Variants in RBFOX3 observed in about 807,000 individuals in gnomAD.
RBFOX3 encodes RNA binding fox-1 homolog 3.
Under a neutral mutation model 48.7 loss-of-function variants are expected in RBFOX3, and 17 were observed. The ratio of observed to expected loss-of-function variants is 0.35; its 90% CI spans 0.24 to 0.52. RBFOX3 has a LOEUF of 0.52. Among genes scored for constraint, RBFOX3 ranks in the 20% least tolerant of loss-of-function variants. The pLI is 0.94. For missense variants in RBFOX3, 382 were observed against 497.5 expected, an observed-to-expected ratio of 0.77 and a Z score of 2.21; for synonymous variants, 212 against 209.5, an observed-to-expected ratio of 1.01 and a Z score of -0.10.
At chr17:79,172,359 T>C (rs899599582) in intron 4 of RBFOX3, among the ~76,000 whole-genome samples, 13 of 152,192 alleles carry the variant, frequency 8.5e-5, no homozygotes, top group Non-Finnish European at 1.9e-4. Flanking sequence ...TTGCCACAGG[T>C]AGGTGAAACC....
chr17:79,624,082 G>T, the RBFOX3 span, among the ~76,000 whole-genome samples: 1,413 of 152,244 alleles, frequency 9.3e-3, 9 homozygotes, highest in Non-Finnish European at 0.015. Context: ...GGCCAGTGTC[G>T]GACTTCTGAC....
chr17:79,342,956 G>GAGAGAA (rs566464997), intron 2 of RBFOX3, among the ~76,000 whole-genome samples: 5 of 151,126 alleles, frequency 3.3e-5, no homozygotes, highest in South Asian at 2.1e-4. Context: ...AGTGGGGGGA[G>GAGAGAA]AGAGAAAGAG....
At chr17:79,491,177 G>A (rs1479836253) in intron 1 of RBFOX3, among the ~76,000 whole-genome samples, 1 of 84,382 alleles carries the variant, frequency 1.2e-5, no homozygotes, top group Non-Finnish European at 2.3e-5. Context: ...GGGAGGAGAG[G>A]GGAGGGGAGG....
At chr17:79,527,480 T>G (rs1166551127) in intron 1 of RBFOX3, among the ~76,000 whole-genome samples, 2 of 152,232 alleles carry the variant, frequency 1.3e-5, no homozygotes, top group African/African-American at 2.4e-5. Flanking sequence ...CTCGATGGGC[T>G]TTGTGCCCTC....
intron 4 of RBFOX3, among the ~76,000 whole-genome samples, chr17:79,158,687 G>T (rs1221334636): frequency 6.6e-6 from 1 of 152,208 alleles, no homozygotes; most frequent in Non-Finnish European, 1.5e-5. Context: ...ACTGTTTTCT[G>T]GGAGGAGAAA....
chr17:79,343,691 G>T, intron 2 of RBFOX3, among the ~76,000 whole-genome samples: 1 of 152,284 alleles, frequency 6.6e-6, no homozygotes, highest in African/African-American at 2.4e-5. Flanking sequence ...TAGTAACAGA[G>T]GCTACCATTT....
In RBFOX3 at chr17:79,306,955, G is replaced by A. The variant is rs189868923; in HGVS notation, c.-74+769C>T. On this transcript the variant is annotated intron_variant, in intron 3 of 14. Transcript: ENST00000693108. ...CGACTCTTGGAGAGTCTGGCCCCAG[G>A]CCCTCTGAGGGAGTTTTCTTTGATA... Among the ~76,000 whole-genome samples the A allele has an allele frequency of 1.3e-4, 20 of 152,360 alleles. No homozygotes were observed. The East Asian group carries it at 3.5e-3, about 26-fold the overall frequency.
intron 4 of RBFOX3, among the ~76,000 whole-genome samples, chr17:79,206,988 C>T (rs1449525026): frequency 1.3e-5 from 2 of 152,184 alleles, no homozygotes; most frequent in Non-Finnish European, 2.9e-5. Flanking sequence ...GCATGCAAGC[C>T]CTTGTCTCAA....
At chr17:79,504,889 C>A (rs1272285946) in intron 1 of RBFOX3, among the ~76,000 whole-genome samples, 1 of 152,094 alleles carries the variant, frequency 6.6e-6, no homozygotes, top group African/African-American at 2.4e-5. Context: ...TGCGGACGTG[C>A]GTGAGGGATG....
chr17:79,412,792 T>C (rs1235209342), intron 2 of RBFOX3, among the ~76,000 whole-genome samples: 1 of 151,424 alleles, frequency 6.6e-6, no homozygotes, highest in Non-Finnish European at 1.5e-5. Flanking sequence ...ATGTGTGTGG[T>C]GTATGTGTGT....
rs797031239 is a variant in RBFOX3, at chr17:79,497,160, C to A, written c.-319-14562G>T. Among the ~76,000 whole-genome samples, 23 of 152,278 alleles carry A rather than the reference C, an allele frequency of 1.5e-4. No homozygotes were observed. In the South Asian group the frequency reaches 4.6e-3, roughly 30 times the overall value. On this transcript the variant is annotated intron_variant, in intron 1 of 14. Coordinates refer to ENST00000693108, the MANE Select transcript of RBFOX3 (RefSeq NM_001350451.2). The stretch of plus-strand genomic sequence containing the variant: ...TGCACTGCCACTCCTCCCCCTGGCC[C>A]CATGACTCAAGGAACTTTCCTGGGA...
intron 4 of RBFOX3, among the ~76,000 whole-genome samples, chr17:79,209,191 GA>G (rs1200264226): frequency 6.6e-6 from 1 of 152,218 alleles, no homozygotes; most frequent in African/African-American, 2.4e-5. Context: ...TGTGGTTGGT[GA>G]TGTGGCTGGG....
intron 4 of RBFOX3, among the ~76,000 whole-genome samples, chr17:79,148,440 G>A (rs558609596): frequency 6.6e-6 from 1 of 152,196 alleles, no homozygotes; most frequent in Non-Finnish European, 1.5e-5. Flanking sequence ...CAGGGCTCAT[G>A]CCACAGCCTG....
At chr17:79,659,141 G>A in the RBFOX3 span, among the ~76,000 whole-genome samples, 10 of 152,146 alleles carry the variant, frequency 6.6e-5, no homozygotes, top group East Asian at 1.6e-3. Context: ...TGGACCACGC[G>A]GGGGCCCGTG....
intron 4 of RBFOX3, among the ~76,000 whole-genome samples, chr17:79,139,815 T>C (rs2041541970): frequency 6.6e-6 from 1 of 152,208 alleles, no homozygotes; most frequent in Non-Finnish European, 1.5e-5. Context: ...GCACTGACGA[T>C]GCCGGAGGGG....
At chr17:79,326,710 A>G (rs1024400302) in intron 2 of RBFOX3, among the ~76,000 whole-genome samples, 14 of 151,970 alleles carry the variant, frequency 9.2e-5, no homozygotes, top group Non-Finnish European at 7.4e-5. Flanking sequence ...ATTACTCCCG[A>G]CATGTCTCCT....
At chr17:79,315,231 A>G (rs2077376151) in intron 2 of RBFOX3, among the ~76,000 whole-genome samples, 1 of 152,222 alleles carries the variant, frequency 6.6e-6, no homozygotes, top group East Asian at 1.9e-4. Context: ...CCCAAGAGGA[A>G]GTAAAACCAT....
At chr17:79,548,161 A>G (rs1362834552) in intron 1 of RBFOX3, among the ~76,000 whole-genome samples, 1 of 152,198 alleles carries the variant, frequency 6.6e-6, no homozygotes, top group African/African-American at 2.4e-5. Flanking sequence ...CCCTTAAAGA[A>G]AGGGCGGCAG....
intron 4 of RBFOX3, among the ~76,000 whole-genome samples, chr17:79,192,674 C>A (rs985914186): frequency 9.9e-5 from 15 of 152,274 alleles, no homozygotes; most frequent in African/African-American, 3.6e-4. Flanking sequence ...GAGAGTGAGA[C>A]CGTCAGCACC....
Sources: allele counts gnomAD v4.1 joint callset (sites outside exome capture counted in the v4.1 genomes callset), GRCh38; gene constraint gnomAD v4.1.1; transcripts MANE v1.5; gene names NCBI Gene and HGNC (gene_info 2026-07-23, HGNC 2026-07-21).